The following CGGBP1 variants were observed in gnomAD, a reference collection of about 807,000 sequenced individuals.
CGGBP1 encodes the protein CGG triplet repeat binding protein 1, also known as CGG triplet repeat-binding protein 1.
A neutral mutation model predicts 11.4 loss-of-function variants in CGGBP1; 4 were observed. That is an observed-to-expected ratio of 0.35 (90% CI 0.17 to 0.80). The LOEUF is 0.80. Among genes scored for constraint, CGGBP1 ranks in the 30% least tolerant of loss-of-function variants. CGGBP1 has a pLI of 0.52. For synonymous variants in CGGBP1, 76 were observed against 74.1 expected, an observed-to-expected ratio of 1.03 and a Z score of -0.13; for missense variants, 135 against 202.1, an observed-to-expected ratio of 0.67 and a Z score of 2.01.
At chr3:88,114,370 T>C (rs1465670661) in intron 2 of CGGBP1, among the ~76,000 whole-genome samples, 1 of 152,176 alleles carries the variant, frequency 6.6e-6, no homozygotes, top group Non-Finnish European at 1.5e-5. Context: ...GGACAATATT[T>C]AACTTCCACT....
intron 2 of CGGBP1, among the ~76,000 whole-genome samples, chr3:88,103,652 T>C (rs181324403): frequency 1.9e-4 from 29 of 151,728 alleles, no homozygotes; most frequent in Non-Finnish European, 3.8e-4. Context: ...AAAAAAGACA[T>C]GATCCAAAGA....
intron 1 of CGGBP1, among the ~76,000 whole-genome samples, chr3:88,148,644 T>C (rs1238614902): frequency 6.6e-6 from 1 of 152,224 alleles, no homozygotes; most frequent in Non-Finnish European, 1.5e-5. Context: ...TTAGCTATTA[T>C]TTATTTTTGA....
In CGGBP1 at chr3:88,055,428, T is replaced by G; in HGVS notation, c.*45A>C. ...GAACCACACAATCAACACATAACTT[T>G]AATACTCCACATTTATCTTGATCAC... is the stretch of plus-strand genomic sequence containing the variant. On this transcript the variant is annotated 3_prime_UTR_variant, in exon 4 of 4. Coordinates refer to ENST00000482016, the MANE Select transcript of CGGBP1 (RefSeq NM_001008390.2). This position sits in a 1 kb window ranked among gnomAD's most constrained non-coding sequence, Gnocchi z 4.2. 6.8e-7 allele frequency: 1 copy of G among 1,463,756 alleles called. No homozygotes were observed. Among genetic ancestry groups the G allele is most frequent in the Non-Finnish European group, 9.1e-7 (1 of 1,093,342 alleles). The allele number at this position is 1,463,756 out of a possible 1,614,324, so 90.7% of individuals were successfully genotyped here.
chr3:88,088,359 TGAAA>T lies in CGGBP1; in HGVS notation c.-228-30140_-228-30137del, dbSNP rs368241390. 3.9e-4 allele frequency among the ~76,000 whole-genome samples: 59 copies of T among 152,238 alleles called. No individual in the cohort carries two copies. In the East Asian group the frequency reaches 0.01, roughly 27 times the overall value. On this transcript the variant is annotated intron_variant, in intron 2 of 3. Transcript: ENST00000462901. ...GCAATGAAAAAGTGAAAAATAATTT[TGAAA>T]GAAAGTGTTAATGTTGAAAATAAAA...
intron 2 of CGGBP1, among the ~76,000 whole-genome samples, chr3:88,114,739 T>C (rs184321516): frequency 3.0e-4 from 45 of 152,304 alleles, no homozygotes; most frequent in African/African-American, 1.1e-3. Flanking sequence ...CTTCATTTGC[T>C]GACCTGAGCT....
chr3:88,108,756 T>G (rs997530877), intron 2 of CGGBP1, among the ~76,000 whole-genome samples: 3 of 152,072 alleles, frequency 2.0e-5, no homozygotes, highest in Non-Finnish European at 4.4e-5. Flanking sequence ...AGAGTAGTGA[T>G]GCCAGTAATT....
intron 2 of CGGBP1, among the ~76,000 whole-genome samples, chr3:88,064,284 C>T (rs565627432): frequency 6.6e-6 from 1 of 151,988 alleles, no homozygotes; most frequent in African/African-American, 2.4e-5. Context: ...ATCAGTTGGC[C>T]TAGTACAGGA....
intron 2 of CGGBP1, among the ~76,000 whole-genome samples, chr3:88,096,721 T>C (rs1348259553): frequency 2.0e-5 from 3 of 152,120 alleles, no homozygotes; most frequent in African/African-American, 7.2e-5. Context: ...TTTTAATTTT[T>C]GAGTAGGTAA....
chr3:88,058,321 G>A (rs1706622738), intron 1 of CGGBP1, 98 bp from the exon 2 acceptor site: 3 of 152,274 alleles, frequency 2.0e-5, no homozygotes, highest in South Asian at 4.1e-4. Flanking sequence ...CACCACGCAG[G>A]TGTTTCTAAA....
chr3:88,109,090 C>T (rs1704922768), intron 2 of CGGBP1, among the ~76,000 whole-genome samples: 1 of 149,772 alleles, frequency 6.7e-6, no homozygotes, highest in Non-Finnish European at 1.5e-5. Flanking sequence ...TTCAAGCATC[C>T]AGTGGGAGGG....
intron 2 of CGGBP1, among the ~76,000 whole-genome samples, chr3:88,108,829 G>GAA (rs548207936): frequency 7.6e-5 from 11 of 144,200 alleles, no homozygotes; most frequent in East Asian, 2.0e-4. Context: ...CTCAACTTCA[G>GAA]AAAAAAAAAA....
At chr3:88,079,416 ATAT>A in intron 2 of CGGBP1, among the ~76,000 whole-genome samples, 1 of 152,236 alleles carries the variant, frequency 6.6e-6, no homozygotes, top group East Asian at 1.9e-4. Flanking sequence ...CTGCCTTATA[ATAT>A]TTGATGGGAC....
chr3:88,079,507 T>G (rs1707975026), intron 2 of CGGBP1, among the ~76,000 whole-genome samples: 1 of 152,056 alleles, frequency 6.6e-6, no homozygotes, highest in South Asian at 2.1e-4. Flanking sequence ...CTATTTTTGT[T>G]TCATAATGAA....
chr3:88,064,284 C>G (rs565627432), intron 2 of CGGBP1, among the ~76,000 whole-genome samples: 14 of 152,108 alleles, frequency 9.2e-5, no homozygotes, highest in Admixed American at 7.2e-4. Context: ...ATCAGTTGGC[C>G]TAGTACAGGA....
chr3:88,069,208 G>A (rs1232576699), intron 2 of CGGBP1, among the ~76,000 whole-genome samples: 1 of 152,160 alleles, frequency 6.6e-6, no homozygotes, highest in Non-Finnish European at 1.5e-5. Flanking sequence ...GATTACCTGA[G>A]TCCAGGAGCT....
intron 2 of CGGBP1, among the ~76,000 whole-genome samples, chr3:88,110,942 G>A (rs1705052223): frequency 6.6e-6 from 1 of 152,008 alleles, no homozygotes; most frequent in East Asian, 1.9e-4. Flanking sequence ...TTATCATGGA[G>A]TTGGACCATG....
Position 88,141,559 on chromosome 3 carries a change from AG to A in CGGBP1, c.-337-482del, listed in dbSNP as rs1466234330. 1.9e-5 allele frequency: 18 copies of A among 969,058 alleles called. No individual in the cohort carries two copies. In the South Asian group the frequency reaches 4.3e-4, roughly 23 times the overall value. The allele number at this position is 969,058 out of a possible 1,614,324, so 60.0% of individuals were successfully genotyped here. ...TAATATCAATATCCTTTAAAATGAC[AG>A]GGTATAAATTAAACAGGAATCTGAC... On this transcript the variant is annotated intron_variant, in intron 1 of 3. Coordinates refer to the CGGBP1 transcript ENST00000462901.
chr3:88,052,994 A>T lies in CGGBP1; in HGVS notation c.*2479T>A, dbSNP rs559297509. The T allele has an allele frequency of 6.5e-6, 1 of 152,746 alleles. No homozygotes were observed. The highest frequency in any genetic ancestry group is 2.1e-4 in the South Asian group (1 of 4,830). 9.5% of individuals were successfully genotyped at this position (152,746 alleles called of 1,614,324 possible). On this transcript the variant is annotated 3_prime_UTR_variant, in exon 4 of 4. Coordinates refer to ENST00000482016, the MANE Select transcript of CGGBP1 (RefSeq NM_001008390.2). Reference sequence around the variant, plus strand: ...TGTTGAAGAAGGCAGTTTATAAATGAAACATTACAAATCTTATGTTTATGC... The same window carrying T: ...TGTTGAAGAAGGCAGTTTATAAATGTAACATTACAAATCTTATGTTTATGC...
intron 2 of CGGBP1, among the ~76,000 whole-genome samples, chr3:88,123,714 C>T (rs1318089781): frequency 6.6e-6 from 1 of 152,164 alleles, no homozygotes; most frequent in Non-Finnish European, 1.5e-5. Flanking sequence ...TGATGCCTCA[C>T]CTATCCTTAG....
Sources: gnomAD v4.1 joint callset for allele counts (sites outside exome capture counted in the v4.1 genomes callset) on GRCh38, gnomAD v4.1.1 for gene constraint, Gnocchi (gnomAD v3.1) non-coding constraint, MANE v1.5 for transcripts, NCBI Gene and HGNC (gene_info 2026-07-23, HGNC 2026-07-21) for gene names.